The following CDH11 variants were observed in gnomAD, a reference collection of about 807,000 sequenced individuals.
CDH11 encodes the protein cadherin 11.
Under a neutral mutation model 67.8 loss-of-function variants are expected in CDH11, and 11 were observed. The ratio of observed to expected loss-of-function variants is 0.16; its 90% CI spans 0.10 to 0.27. CDH11 has a LOEUF of 0.27. Among genes scored for constraint, CDH11 ranks in the 10% least tolerant of loss-of-function variants. The pLI, the probability that CDH11 is intolerant of heterozygous loss-of-function variation, is 1.00. For missense variants in CDH11, 847 were observed against 1,031.2 expected, an observed-to-expected ratio of 0.82 and a Z score of 2.45; for synonymous variants, 419 against 400.0, an observed-to-expected ratio of 1.05 and a Z score of -0.57.
intron 1 of CDH11, among the ~76,000 whole-genome samples, chr16:65,112,660 G>C (rs942764118): frequency 6.6e-5 from 10 of 152,294 alleles, no homozygotes; most frequent in African/African-American, 2.4e-4. Context: ...TCCTCTATAG[G>C]CTTGGCAGTG....
chr16:64,973,150 G>T, intron 8 of CDH11, 110 bp from the exon 9 acceptor site: 1 of 1,055,186 alleles, frequency 9.5e-7, no homozygotes, highest in Non-Finnish European at 1.4e-6. Context: ...AATTACTTAA[G>T]CTAGATTTTC....
At chr16:65,110,304 T>G (rs1392045662) in intron 1 of CDH11, among the ~76,000 whole-genome samples, 1 of 152,174 alleles carries the variant, frequency 6.6e-6, no homozygotes, top group Non-Finnish European at 1.5e-5. Context: ...TTGTTCCTCA[T>G]AACAGTCCCA....
In CDH11 at chr16:65,121,038, A is replaced by C. The variant is rs1286753754; in HGVS notation, c.-298+842T>G. 6.6e-6 allele frequency among the ~76,000 whole-genome samples: 1 copy of C among 152,066 alleles called. No homozygotes were observed. The highest frequency in any genetic ancestry group is 2.4e-5 in the African/African-American group (1 of 41,416). On this transcript the variant is annotated intron_variant, in intron 1 of 12. Transcript: ENST00000268603. This position sits in a 1 kb window ranked among gnomAD's most constrained non-coding sequence, Gnocchi z 4.1. ...AGGCCGTGCGTGCCGGGAGCTAGAG[A>C]GGCTTGGCGCGCTCCGAGAAGCGGC...
At chr16:64,991,497 T>G (rs2072627457) in intron 6 of CDH11, 1 of 402,224 alleles carries the variant, frequency 2.5e-6, no homozygotes, top group South Asian at 4.7e-5. Context: ...GCATCACTAC[T>G]ACCAAGCAAA....
chr16:64,972,961 G>C lies in CDH11; in HGVS notation c.1333C>G (p.Pro445Ala). Residue 445 changes from proline (P) to alanine (A), a missense_variant, in exon 9 of 13, where the codon CCT becomes GCT. Pro to Ala is a conservative substitution (Grantham distance 27, BLOSUM62 -1). This residue lies in a region of CDH11 where 612 missense variants were observed against 678.7 expected (regional missense o/e 0.90). Coordinates refer to ENST00000268603, the MANE Select transcript of CDH11 (RefSeq NM_001797.4). ...CAGGCTGTTTCCTCTCTATCCAGAG[G>C]TTTTGTAGTTTTAATAAAACCATCC... Reference protein sequence around the residue: ...PEDGFIKTTKPLDREETAWLN... With the variant: ...PEDGFIKTTKALDREETAWLN... 6.2e-7 allele frequency: 1 copy of C among 1,613,748 alleles called. No homozygotes were observed. The highest frequency in any genetic ancestry group is 8.5e-7 in the Non-Finnish European group (1 of 1,179,796).
intron 1 of CDH11, among the ~76,000 whole-genome samples, chr16:65,060,588 GAAC>G (rs888595378): frequency 4.6e-5 from 7 of 152,172 alleles, no homozygotes; most frequent in African/African-American, 1.7e-4. Context: ...GTTTTCTAAA[GAAC>G]TACTAGGGTG....
chr16:65,050,899 C>G (rs972002549), intron 2 of CDH11, among the ~76,000 whole-genome samples: 1 of 152,016 alleles, frequency 6.6e-6, no homozygotes, highest in African/African-American at 2.4e-5. Context: ...CTAATTGCCC[C>G]TATTATCTAG....
chr16:65,029,601 T>C (rs2073602457), intron 2 of CDH11, among the ~76,000 whole-genome samples: 1 of 152,246 alleles, frequency 6.6e-6, no homozygotes, highest in African/African-American at 2.4e-5. Context: ...GTGGCAATTC[T>C]TTCATTTATA....
At chr16:65,060,570 T>C (rs2074222282) in intron 1 of CDH11, among the ~76,000 whole-genome samples, 1 of 152,148 alleles carries the variant, frequency 6.6e-6, no homozygotes, top group South Asian at 2.1e-4. Context: ...ATATGGTCAG[T>C]ATGTAAAGTT....
At chr16:65,006,081 C>A (rs2073046891) in intron 2 of CDH11, among the ~76,000 whole-genome samples, 1 of 151,562 alleles carries the variant, frequency 6.6e-6, no homozygotes, top group African/African-American at 2.4e-5. Context: ...ACTTATTCTT[C>A]TCTAAGGAAT....
intron 1 of CDH11, among the ~76,000 whole-genome samples, chr16:65,110,624 ATGTGTGTGTGTGTGTGTGTGTGTGTG>A (rs57316241): frequency 7.0e-4 from 95 of 135,920 alleles, no homozygotes; most frequent in African/African-American, 2.4e-3. Flanking sequence ...ATGGCCAATG[ATGTGTGTGTGTGTGTGTGTGTGTGTG>A]TGTGTGTGTG....
intron 1 of CDH11, among the ~76,000 whole-genome samples, chr16:65,120,778 C>T: frequency 6.6e-6 from 1 of 152,208 alleles, no homozygotes; most frequent in East Asian, 1.9e-4. Flanking sequence ...GCGGCGAGCC[C>T]CGGGCGAAAG....
chr16:65,034,731 T>C (rs1364523142), intron 2 of CDH11, among the ~76,000 whole-genome samples: 1 of 152,156 alleles, frequency 6.6e-6, no homozygotes, highest in Admixed American at 6.5e-5. Context: ...CTTAATGGCA[T>C]TGGAAACACT....
chr16:65,092,563 A>T (rs959123026), intron 1 of CDH11, among the ~76,000 whole-genome samples: 2 of 152,150 alleles, frequency 1.3e-5, no homozygotes, highest in South Asian at 2.1e-4. Flanking sequence ...TCTTCTGCTT[A>T]TTGGTGGGGA....
intron 2 of CDH11, among the ~76,000 whole-genome samples, chr16:65,018,385 A>C (rs1469010854): frequency 1.3e-5 from 2 of 152,096 alleles, no homozygotes; most frequent in African/African-American, 4.8e-5. Flanking sequence ...AAAAATAAAG[A>C]GTTTCTTCAA....
chr16:65,007,021 C>T (rs2073070473), intron 2 of CDH11: 1 of 152,158 alleles, frequency 6.6e-6, no homozygotes, highest in African/African-American at 2.4e-5. Context: ...CATGGAGATG[C>T]CCCCAAGAGG....
chr16:64,966,110 A>G (rs1299052076), intron 11 of CDH11, among the ~76,000 whole-genome samples: 2 of 152,118 alleles, frequency 1.3e-5, no homozygotes, highest in African/African-American at 2.4e-5. Context: ...ATGATAGAAA[A>G]TATTATTTAA....
chr16:65,023,485 G>C (rs1212349179), intron 2 of CDH11, among the ~76,000 whole-genome samples: 1 of 152,180 alleles, frequency 6.6e-6, no homozygotes, highest in Non-Finnish European at 1.5e-5. Flanking sequence ...GTAGGAAGAA[G>C]TTTAAGAGCA....
intron 3 of CDH11, among the ~76,000 whole-genome samples, chr16:65,003,964 G>C (rs2072986704): frequency 6.6e-6 from 1 of 152,188 alleles, no homozygotes; most frequent in Non-Finnish European, 1.5e-5. Context: ...GTCCAAAGGA[G>C]GAGCATTCAA....
Sources: allele counts gnomAD v4.1 joint callset (sites outside exome capture counted in the v4.1 genomes callset), GRCh38; gene constraint gnomAD v4.1.1; regional missense constraint gnomAD v4.1.1; non-coding constraint Gnocchi (gnomAD v3.1); transcripts MANE v1.5; gene names NCBI Gene and HGNC (gene_info 2026-07-23, HGNC 2026-07-21).